The following POU6F2 variants were observed in gnomAD, a reference collection of about 807,000 sequenced individuals.
POU6F2 encodes the protein POU domain, class 6, transcription factor 2.
Under a neutral mutation model 71.3 loss-of-function variants are expected in POU6F2, and 31 were observed. That is an observed-to-expected ratio of 0.43 (90% CI 0.33 to 0.59). The LOEUF is 0.59. Among genes scored for constraint, POU6F2 ranks in the 20% least tolerant of loss-of-function variants. The pLI is 0.04. For synonymous variants in POU6F2, 347 were observed against 355.7 expected (o/e 0.98, Z 0.27); for missense variants, 783 against 856.8 (o/e 0.91, Z 1.07).
At chr7:39,178,419 A>G (rs1442739421) in intron 2 of POU6F2, among the ~76,000 whole-genome samples, 1 of 152,192 alleles carries the variant, frequency 6.6e-6, no homozygotes, top group African/African-American at 2.4e-5. Context: ...TGATTATAAA[A>G]GTAGTCTTTA....
intron 8 of POU6F2, among the ~76,000 whole-genome samples, chr7:39,453,359 T>G (rs1489098749): frequency 6.6e-6 from 1 of 152,188 alleles, no homozygotes; most frequent in African/African-American, 2.4e-5. Context: ...AATTCAATAT[T>G]CTGTATAAGT....
At chr7:39,111,298 A>T (rs1791808190) in intron 2 of POU6F2, among the ~76,000 whole-genome samples, 2 of 152,230 alleles carry the variant, frequency 1.3e-5, no homozygotes, top group African/African-American at 2.4e-5. Flanking sequence ...AGGCAGGATT[A>T]TCATGGTAGC....
intron 2 of POU6F2, among the ~76,000 whole-genome samples, chr7:39,135,521 C>T (rs1156496828): frequency 6.6e-6 from 1 of 151,548 alleles, no homozygotes; most frequent in Non-Finnish European, 1.5e-5. Flanking sequence ...ATATTTTTAA[C>T]AATGCATTAA....
chr7:39,140,317 T>A (rs763590642), intron 2 of POU6F2, among the ~76,000 whole-genome samples: 5 of 152,218 alleles, frequency 3.3e-5, no homozygotes, highest in Non-Finnish European at 7.3e-5. Context: ...GAGGCTAAAG[T>A]GGCACCATCT....
At chr7:39,277,447 C>G (rs142555140) in intron 4 of POU6F2, among the ~76,000 whole-genome samples, 4 of 152,214 alleles carry the variant, frequency 2.6e-5, no homozygotes, top group African/African-American at 9.6e-5. Context: ...TTGTTCCCAT[C>G]TTTATGTCCA....
chr7:39,213,484 C>T (rs1230858674), intron 4 of POU6F2, among the ~76,000 whole-genome samples: 2 of 152,198 alleles, frequency 1.3e-5, no homozygotes, highest in Non-Finnish European at 2.9e-5. Flanking sequence ...TAATTGCATC[C>T]ACCCATGCAG....
At chr7:39,317,336 G>C (rs1171791292) in intron 4 of POU6F2, among the ~76,000 whole-genome samples, 2 of 152,202 alleles carry the variant, frequency 1.3e-5, no homozygotes, top group African/African-American at 2.4e-5. Flanking sequence ...CACCCAGAGG[G>C]AGCTGTGTCC....
chr7:39,070,686 T>A (rs1173474617), intron 1 of POU6F2, among the ~76,000 whole-genome samples: 1 of 152,198 alleles, frequency 6.6e-6, no homozygotes, highest in East Asian at 1.9e-4. Context: ...TCACATGCCC[T>A]TCCCCTCAGG....
chr7:39,462,248 T>A (rs1354466243), intron 9 of POU6F2, among the ~76,000 whole-genome samples: 1 of 152,192 alleles, frequency 6.6e-6, no homozygotes, highest in Non-Finnish European at 1.5e-5. Context: ...ATTTCTAGTA[T>A]AATAGAACAT....
rs547359688 is a variant in POU6F2 at position 39,165,684 on chromosome 7, T to C, written c.278-38551T>C. The stretch of plus-strand genomic sequence containing the variant: ...ACATAAAAGTTTTCCAAGATCAAGA[T>C]GCTTAAGATAAAAGAGTAGTCAAGC... On this transcript the variant is annotated intron_variant, in intron 2 of 9. Transcript: ENST00000518318. 3.0e-3 allele frequency among the ~76,000 whole-genome samples: 460 copies of C among 152,218 alleles called. 4 individuals carry two copies. The highest frequency in any genetic ancestry group is 0.011 in the African/African-American group (437 of 41,540).
chr7:39,131,582 G>T (rs1181900505), intron 2 of POU6F2, among the ~76,000 whole-genome samples: 1 of 152,098 alleles, frequency 6.6e-6, no homozygotes, highest in Non-Finnish European at 1.5e-5. Flanking sequence ...CTAAATCTAC[G>T]GCCATCCTGA....
At chr7:39,027,818 G>T (rs1223123268) in intron 1 of POU6F2, among the ~76,000 whole-genome samples, 1 of 152,060 alleles carries the variant, frequency 6.6e-6, no homozygotes, top group Non-Finnish European at 1.5e-5. Flanking sequence ...TACCTCCATT[G>T]CTTTGTACAT....
chr7:39,112,403 C>T (rs1458572927), intron 2 of POU6F2, among the ~76,000 whole-genome samples: 1 of 152,172 alleles, frequency 6.6e-6, no homozygotes, highest in Non-Finnish European at 1.5e-5. Flanking sequence ...GATCTATTAA[C>T]AGTACGTAAT....
At position 39,237,781 on chromosome 7, in the gene POU6F2, GAAAACTCACTTTT is replaced by G. The variant is rs774980345; in HGVS notation, c.598+30165_598+30177del. On this transcript the variant is annotated intron_variant, in intron 4 of 9. Coordinates refer to ENST00000518318, the MANE Select transcript of POU6F2 (RefSeq NM_001370959.1). Reference sequence around the variant, plus strand: ...TACAAAAGGGAAGAGCCTCTCAAATGAAAACTCACTTTTAAACATTTTTTTTTAATAAAAAAGC... The same window carrying G: ...TACAAAAGGGAAGAGCCTCTCAAATGAAACATTTTTTTTTAATAAAAAAGC... Among the ~76,000 whole-genome samples, 132 of 151,034 alleles carry G rather than the reference GAAAACTCACTTTT, an allele frequency of 8.7e-4. 1 individual carries two copies. Among genetic ancestry groups the G allele is most frequent in the Non-Finnish European group, 1.5e-3 (102 of 67,864 alleles).
At chr7:39,230,305 C>G (rs1010494711) in intron 4 of POU6F2, among the ~76,000 whole-genome samples, 1 of 151,904 alleles carries the variant, frequency 6.6e-6, no homozygotes, top group South Asian at 2.1e-4. Flanking sequence ...ATAGTGAGAC[C>G]CTGTCTCTAC....
intron 2 of POU6F2, among the ~76,000 whole-genome samples, chr7:39,110,100 G>A (rs553333366): frequency 1.2e-4 from 18 of 151,942 alleles, no homozygotes; most frequent in Admixed American, 2.0e-4. Flanking sequence ...GCGAAACCCC[G>A]TCTCTACTAA....
chr7:39,213,575 C>G lies in POU6F2; in HGVS notation c.598+5955C>G, dbSNP rs1334513285. ...TTGCAGTCAGTCCCCTCCATCCAAC[C>G]AGGTAATCTGTTTTTTTCCTGTTCT... On this transcript the variant is annotated intron_variant, in intron 4 of 9. Coordinates refer to ENST00000518318, the MANE Select transcript of POU6F2 (RefSeq NM_001370959.1). 2.0e-5 allele frequency among the ~76,000 whole-genome samples: 3 copies of G among 152,186 alleles called. No homozygotes were observed. In the East Asian group the frequency reaches 5.8e-4, roughly 29 times the overall value.
intron 2 of POU6F2, among the ~76,000 whole-genome samples, chr7:39,167,484 A>C (rs1164400440): frequency 6.6e-6 from 1 of 152,072 alleles, no homozygotes; most frequent in Admixed American, 6.5e-5. Flanking sequence ...CATTGTATGG[A>C]TATCTTTGCG....
chr7:39,259,627 C>A (rs766557586), intron 4 of POU6F2, among the ~76,000 whole-genome samples: 3 of 152,128 alleles, frequency 2.0e-5, no homozygotes, highest in African/African-American at 4.8e-5. Context: ...CACAGGGAGC[C>A]TGGGCCTGTG....
Sources: allele counts gnomAD v4.1 joint callset (sites outside exome capture counted in the v4.1 genomes callset), GRCh38; gene constraint gnomAD v4.1.1; transcripts MANE v1.5; gene names NCBI Gene and HGNC (gene_info 2026-07-23, HGNC 2026-07-21).